Variants in N4BP2L2 observed in about 807,000 individuals in gnomAD.
N4BP2L2 encodes NEDD4 binding protein 2 like 2.
Under a neutral mutation model 56.2 loss-of-function variants are expected in N4BP2L2, and 50 were observed. The ratio of observed to expected loss-of-function variants is 0.89; its 90% confidence interval spans 0.71 to 1.13. The LOEUF (loss-of-function observed/expected upper bound fraction) is 1.13, where lower values mean the gene tolerates loss of function less well. Ranked by LOEUF, N4BP2L2 falls within the 50% of genes most tolerant of loss-of-function variation. N4BP2L2 has a pLI of 0.00. For synonymous variants in N4BP2L2, 203 were observed against 223.6 expected, an observed-to-expected ratio of 0.91 and a Z score of 0.82; for missense variants, 689 against 693.8, an observed-to-expected ratio of 0.99 and a Z score of 0.08.
intron 9 of N4BP2L2, among the ~76,000 whole-genome samples, chr13:32,434,913 T>C (rs1378760007): frequency 6.6e-6 from 1 of 152,170 alleles, no homozygotes; most frequent in African/African-American, 2.4e-5. Context: ...AAAATCAAAA[T>C]TGTGGTTGCA....
intron 6 of N4BP2L2, among the ~76,000 whole-genome samples, chr13:32,494,257 T>C (rs895918685): frequency 1.8e-4 from 28 of 151,860 alleles, no homozygotes; most frequent in Non-Finnish European, 3.8e-4. Flanking sequence ...CACTCTAACC[T>C]GGGCAACAGA....
chr13:32,442,152 AG>A (rs2076491549), intron 7 of N4BP2L2, among the ~76,000 whole-genome samples: 1 of 152,188 alleles, frequency 6.6e-6, no homozygotes, highest in African/African-American at 2.4e-5. Flanking sequence ...TGAAATTGAG[AG>A]CCCAAGTATT....
intron 6 of N4BP2L2, among the ~76,000 whole-genome samples, chr13:32,452,123 G>A (rs2078179584): frequency 6.7e-6 from 1 of 149,196 alleles, no homozygotes; most frequent in South Asian, 2.1e-4. Context: ...GTGCAATGGT[G>A]CAATCTTGGC....
At chr13:32,524,872 C>T (rs533249315) in intron 3 of N4BP2L2, 21 of 152,398 alleles carry the variant, frequency 1.4e-4, no homozygotes, top group Non-Finnish European at 2.2e-4. Flanking sequence ...AAGCAATCCT[C>T]CTATCTCAGC....
intron 2 of N4BP2L2, among the ~76,000 whole-genome samples, chr13:32,531,055 A>G (rs1271269751): frequency 6.6e-6 from 1 of 152,162 alleles, no homozygotes; most frequent in Non-Finnish European, 1.5e-5. Flanking sequence ...TCTTCAATCC[A>G]ACATAGCTCA....
intron 6 of N4BP2L2, among the ~76,000 whole-genome samples, chr13:32,503,172 CAAAAAAAAA>C (rs35773755): frequency 0.018 from 1,016 of 58,038 alleles, 26 homozygotes; most frequent in African/African-American, 0.057. Flanking sequence ...GACTCTGTAG[CAAAAAAAAA>C]AAAAAAAAAA....
chr13:32,443,467 G>A (rs2076625744), exon 7 of N4BP2L2: 1 of 1,613,494 alleles, frequency 6.2e-7, no homozygotes. Context: ...GATTTTAGTT[G>A]TATACACTTG....
At chr13:32,437,398 T>C (rs572668171) in intron 8 of N4BP2L2, among the ~76,000 whole-genome samples, 2 of 152,356 alleles carry the variant, frequency 1.3e-5, no homozygotes, top group South Asian at 4.1e-4. Flanking sequence ...CTATTAGTTC[T>C]AGAATGATTC....
At chr13:32,529,226 CAATT>C in intron 2 of N4BP2L2, among the ~76,000 whole-genome samples, 1 of 152,126 alleles carries the variant, frequency 6.6e-6, no homozygotes, top group East Asian at 1.9e-4. Context: ...CAAAAGAAAA[CAATT>C]TAAGTATGTA....
chr13:32,462,399 T>C (rs1221739796), intron 6 of N4BP2L2, among the ~76,000 whole-genome samples: 2 of 152,102 alleles, frequency 1.3e-5, no homozygotes, highest in Non-Finnish European at 2.9e-5. Flanking sequence ...GCTGATCTCA[T>C]GGAGGTTGAA....
chr13:32,435,513 C>T (rs1286731083), intron 9 of N4BP2L2, among the ~76,000 whole-genome samples: 1 of 152,298 alleles, frequency 6.6e-6, no homozygotes, highest in South Asian at 2.1e-4. Flanking sequence ...GGAGTATAGG[C>T]GTGAGCCACC....
chr13:32,436,785 CAAAAAAAAA>C (rs1174354861), intron 8 of N4BP2L2, among the ~76,000 whole-genome samples: 3 of 44,988 alleles, frequency 6.7e-5, no homozygotes, highest in East Asian at 8.9e-4. Flanking sequence ...GTGTGACTGT[CAAAAAAAAA>C]AAAAAAAAAA....
intron 6 of N4BP2L2, among the ~76,000 whole-genome samples, chr13:32,473,545 ATTATC>A (rs2082708563): frequency 6.6e-6 from 1 of 152,202 alleles, no homozygotes; most frequent in South Asian, 2.1e-4. Flanking sequence ...ATACAAGTTT[ATTATC>A]TTATAATTCT....
At chr13:32,456,188 T>A (rs1053159706) in intron 6 of N4BP2L2, among the ~76,000 whole-genome samples, 1 of 152,134 alleles carries the variant, frequency 6.6e-6, no homozygotes, top group African/African-American at 2.4e-5. Context: ...AGGACTTGCA[T>A]CCCCTTCCAC....
intron 4 of N4BP2L2, 84 bp from the exon 5 acceptor site, chr13:32,521,533 G>C (rs553537992): frequency 6.4e-4 from 573 of 901,646 alleles, no homozygotes; most frequent in Non-Finnish European, 8.5e-4. Context: ...ATTTCATTTC[G>C]ACAATACTAT....
At chr13:32,489,659 G>A (rs1034346869) in intron 6 of N4BP2L2, among the ~76,000 whole-genome samples, 1 of 151,418 alleles carries the variant, frequency 6.6e-6, no homozygotes, top group Non-Finnish European at 1.5e-5. Context: ...GATTAAGAAG[G>A]TAAATCGGTT....
downstream of N4BP2L2, chr13:32,507,931 A>G (rs2139697230): frequency 6.6e-6 from 1 of 152,336 alleles, no homozygotes; most frequent in East Asian, 1.9e-4. Context: ...GCTAAGAGTA[A>G]GAACAGAAGA....
At chr13:32,461,153 T>A (rs1294531247) in intron 6 of N4BP2L2, among the ~76,000 whole-genome samples, 1 of 152,076 alleles carries the variant, frequency 6.6e-6, no homozygotes, top group Non-Finnish European at 1.5e-5. Flanking sequence ...AAGCATAAGA[T>A]CGAAAACTAT....
chr13:32,475,860 TAAGAAAAATACGGCAAAGGGAG>T (rs886767137), intron 6 of N4BP2L2, among the ~76,000 whole-genome samples: 7 of 152,082 alleles, frequency 4.6e-5, no homozygotes, highest in South Asian at 2.1e-4. Context: ...TGAAGACAGA[TAAGAAAAATACGGCAAAGGGAG>T]AAGAAAAATA....
Sources: gnomAD v4.1 joint callset for allele counts (sites outside exome capture counted in the v4.1 genomes callset) on GRCh38, gnomAD v4.1.1 for gene constraint, MANE v1.5 for transcripts, NCBI Gene and HGNC (gene_info 2026-07-23, HGNC 2026-07-21) for gene names.